Variants in WDR81 observed in about 807,000 individuals in gnomAD.
WDR81 encodes the protein WD repeat domain 81, also known as WD repeat-containing protein 81.
WDR81 carries 92 observed loss-of-function variants against 140.8 expected under a neutral mutation model. The observed-to-expected ratio is 0.65, with a 90% CI of 0.55 to 0.78. The LOEUF (loss-of-function observed/expected upper bound fraction) is 0.78, where lower values mean the gene tolerates loss of function less well. WDR81 is among the 30% of genes least tolerant of loss of function. The pLI, the probability that WDR81 is intolerant of heterozygous loss-of-function variation, is 0.00. For missense variants in WDR81, 2,502 were observed against 2,636.4 expected (o/e 0.95, Z 1.12); for synonymous variants, 1,183 against 1,156.4 (o/e 1.02, Z -0.47).
intron 1 of WDR81, among the ~76,000 whole-genome samples, chr17:1,718,364 C>G (rs1212715383): frequency 6.6e-6 from 1 of 152,186 alleles, no homozygotes; most frequent in Non-Finnish European, 1.5e-5. Flanking sequence ...GTGATCCACC[C>G]GCCTCGGTCT....
Position 1,737,451 on chromosome 17 carries a change from C to A in WDR81, c.5592C>A (p.His1864Gln), listed in dbSNP as rs1231468246. 1 of 1,612,996 alleles carries A rather than the reference C, an allele frequency of 6.2e-7. No homozygotes were observed. The highest frequency in any genetic ancestry group is 2.2e-5 in the East Asian group (1 of 44,888). The change falls in exon 10 of 10, where the codon CAC becomes CAA. Residue 1864 changes from histidine to glutamine, a missense_variant. By Grantham distance (24) the His-to-Gln change is conservative. Coordinates refer to ENST00000409644, the MANE Select transcript of WDR81 (RefSeq NM_001163809.2). ...AGCTGGAGCAGAAGCCCACCCATCACTACAAGTCAGCATCCGACCCCATCC... is the reference window on the plus strand; with the variant it reads ...AGCTGGAGCAGAAGCCCACCCATCAATACAAGTCAGCATCCGACCCCATCC... ...WKELEQKPTHHYKSASDPIHT... is the reference protein window; with the variant it reads ...WKELEQKPTHQYKSASDPIHT...
Position 1,728,288 on chromosome 17 carries a change from A to G in WDR81, c.3329A>G (p.Asp1110Gly). ...GCTGTGAGCCTGGGCCGGCTGAGTG[A>G]CAAGAGCAGCACCAGCGAGACCTCC... ...AEAVSLGRLS[D>G]KSSTSETSLG... is the part of the protein sequence containing the mutation. Residue 1110 changes from aspartate (D) to glycine (G), a missense_variant, in exon 1 of 10, where the codon GAC (aspartate) becomes GGC (glycine). By Grantham distance (94) the Asp-to-Gly change is moderately conservative (BLOSUM62 -1). This residue lies in a region of WDR81 where 1,737 missense variants were observed against 1,843.0 expected (regional missense o/e 0.94). Coordinates refer to ENST00000409644, the MANE Select transcript of WDR81 (RefSeq NM_001163809.2). 6.2e-7 allele frequency: 1 copy of G among 1,612,754 alleles called. No individual in the cohort carries two copies.
chr17:1,731,270 C>T lies in WDR81; in HGVS notation c.4157+12C>T. 6.2e-7 allele frequency: 1 copy of T among 1,611,558 alleles called. No individual in the cohort carries two copies. Among genetic ancestry groups the T allele is most frequent in the African/African-American group, 1.3e-5 (1 of 75,020 alleles). ...TCCCTCGTCACGGGGTAGGCCTCTG[C>T]CCCAGCTGATGTAGGGGGACCGGCC... On this transcript the variant is annotated intron_variant, in intron 4 of 9. Transcript: ENST00000409644.
intron 7 of WDR81, among the ~76,000 whole-genome samples, chr17:1,734,502 C>T (rs1225986907): frequency 1.3e-4 from 20 of 152,188 alleles, no homozygotes; most frequent in Admixed American, 6.5e-4. Context: ...AACACACAGC[C>T]GGGCGCAGTG....
intron 9 of WDR81, among the ~76,000 whole-genome samples, chr17:1,736,977 G>A (rs1167467885): frequency 6.6e-6 from 1 of 152,208 alleles, no homozygotes; most frequent in Non-Finnish European, 1.5e-5. Context: ...CAGCCTGGGT[G>A]TTAATCCCAG....
In WDR81 at chr17:1,725,621, C is replaced by T. The variant is rs1309205781; in HGVS notation, c.662C>T (p.Ala221Val). 2 of 1,545,348 alleles carry T rather than the reference C, an allele frequency of 1.3e-6. No homozygotes were observed. Among genetic ancestry groups the T allele is most frequent in the African/African-American group, 1.4e-5 (1 of 73,058 alleles). The change falls in exon 1 of 10, where the codon GCT becomes GTT. Residue 221 changes from alanine (A) to valine (V), a missense_variant. Transcript: ENST00000409644. ...CCTGCTTGCCCTAGTCTTTTACGGG[C>T]TGAGGCCTTGCTGGAGTCGCCGGAG... is the stretch of plus-strand genomic sequence containing the variant. The part of the protein sequence containing the change: ...GSPACPSLLR[A>V]EALLESPEML...
chr17:1,724,455 G>C (rs1915069588), upstream of WDR81: 2 of 984,426 alleles, frequency 2.0e-6, no homozygotes, highest in Non-Finnish European at 2.4e-6. Context: ...CAGCCTCCGG[G>C]ACCCGCGCGC....
Position 1,736,163 on chromosome 17 carries a change from C to A in WDR81, c.5450C>A (p.Thr1817Lys). 6.2e-7 allele frequency: 1 copy of A among 1,601,282 alleles called. No individual in the cohort carries two copies. Among genetic ancestry groups the A allele is most frequent in the Non-Finnish European group, 8.5e-7 (1 of 1,179,728 alleles). ...TTCATGGTGCTCCTGGACACCCGCA[C>A]AGGCCTGGTTCTGCGAGGCTGGCCA... The part of the protein sequence containing the change: ...SGFMVLLDTR[T>K]GLVLRGWPAH... Residue 1817 changes from threonine to lysine, a missense_variant, in exon 9 of 10, where the codon ACA (threonine) becomes AAA (lysine). Thr to Lys is a moderately conservative substitution (Grantham distance 78, BLOSUM62 -1). This residue lies in a region of WDR81 where 1,737 missense variants were observed against 1,843.0 expected (regional missense o/e 0.94). Transcript: ENST00000409644.
intron 4 of WDR81, among the ~76,000 whole-genome samples, chr17:1,731,940 AG>A (rs1353308240): frequency 1.1e-5 from 1 of 90,534 alleles, no homozygotes; most frequent in Non-Finnish European, 2.4e-5. Context: ...AAAAAAAAAA[AG>A]TATATATATA....
chr17:1,725,130 A>C lies in WDR81; in HGVS notation c.171A>C (p.Leu57=), dbSNP rs909363778. The part of the protein sequence containing the change: ...PAPGGTHVVA[L]VPARWLASLR... ...CGGGGGGCACCCACGTGGTGGCCCT[A>C]GTGCCTGCGCGCTGGCTGGCCAGCC... The change falls in exon 1 of 10, where the codon CTA becomes CTC. Residue 57 remains leucine (L), a synonymous_variant. Coordinates refer to ENST00000409644, the MANE Select transcript of WDR81 (RefSeq NM_001163809.2). 1.3e-5 allele frequency: 20 copies of C among 1,529,750 alleles called. No homozygotes were observed. The highest frequency in any genetic ancestry group is 1.6e-5 in the Non-Finnish European group (18 of 1,141,766). 94.8% of individuals were successfully genotyped at this position (1,529,750 alleles called of 1,614,324 possible).
At position 1,738,166 on chromosome 17, in the gene WDR81, G is replaced by A. The variant is rs112099834; in HGVS notation, c.*481G>A. ...GATTCCAGCCTAAGGAAGGCTGGCC[G>A]TGGTCCAGGAGTTAAGGGCTTGGGT... On this transcript the variant is annotated 3_prime_UTR_variant, in exon 10 of 10. Coordinates refer to ENST00000409644, the MANE Select transcript of WDR81 (RefSeq NM_001163809.2). 7.1e-4 allele frequency: 124 copies of A among 174,378 alleles called. 1 individual carries two copies. Among genetic ancestry groups the A allele is most frequent in the African/African-American group, 2.5e-3 (107 of 42,126 alleles). The allele number at this position is 174,378 out of a possible 1,614,324, so 10.8% of individuals were successfully genotyped here.
At chr17:1,721,267 G>A (rs904197039), upstream of WDR81, among the ~76,000 whole-genome samples, 2 of 152,124 alleles carry the variant, frequency 1.3e-5, no homozygotes, top group Non-Finnish European at 2.9e-5. Flanking sequence ...GCTGAGGCAG[G>A]AGAATCACTT....
chr17:1,726,975 T>C lies in WDR81; in HGVS notation c.2016T>C (p.Ala672=), dbSNP rs1193447799. 14 of 1,550,456 alleles carry C rather than the reference T, an allele frequency of 9.0e-6. No individual in the cohort carries two copies. The East Asian group carries it at 3.2e-4, about 35-fold the overall frequency. Residue 672 remains alanine (A), a synonymous_variant, in exon 1 of 10, where the codon GCT becomes GCC. Coordinates refer to ENST00000409644, the MANE Select transcript of WDR81 (RefSeq NM_001163809.2). The stretch of plus-strand genomic sequence containing the variant: ...AAGCTCTGGATTCCATTTCCCTTGC[T>C]GGGAAAGCAGGTGACCAGCTGGGCT... The part of the protein sequence containing the change: ...ATEALDSISL[A]GKAGDQLGSS...
chr17:1,726,132 G>T lies in WDR81; in HGVS notation c.1173G>T (p.Thr391=). The T allele has an allele frequency of 6.5e-7, 1 of 1,534,364 alleles. No individual in the cohort carries two copies. Among genetic ancestry groups the T allele is most frequent in the Non-Finnish European group, 8.8e-7 (1 of 1,136,424 alleles). Residue 391 remains threonine (T), a synonymous_variant, in exon 1 of 10, where the codon ACG becomes ACT. Transcript: ENST00000409644. The part of the protein sequence containing the change: ...PVLPWVVDFT[T]PHGRFRDLRK... The stretch of plus-strand genomic sequence containing the variant: ...TGCCCTGGGTGGTGGACTTCACTAC[G>T]CCCCATGGGCGCTTCCGAGACCTGC...
Position 1,731,082 on chromosome 17 carries a change from T to C in WDR81, c.3981T>C (p.Ser1327=). ...GGTGGCTCTAGGTGGCCCCAGGGAG[T>C]GCCTCAGGCCCCAGCCGACTGAACA... The part of the protein sequence containing the change: ...PYISYLVAPG[S]ASGPSRLNSR... The change falls in exon 4 of 10, where the codon AGT becomes AGC. Residue 1327 remains serine (S), a synonymous_variant. Coordinates refer to ENST00000409644, the MANE Select transcript of WDR81 (RefSeq NM_001163809.2). 6.2e-7 allele frequency: 1 copy of C among 1,611,898 alleles called. No homozygotes were observed. Among genetic ancestry groups the C allele is most frequent in the Non-Finnish European group, 8.5e-7 (1 of 1,179,586 alleles).
Position 1,724,760 on chromosome 17 carries a change from C to T in WDR81, c.-200C>T, listed in dbSNP as rs1420173841. The T allele has an allele frequency of 1.3e-5, 15 of 1,139,932 alleles. No homozygotes were observed. The highest frequency in any genetic ancestry group is 1.6e-5 in the Non-Finnish European group (15 of 929,616). The allele number at this position is 1,139,932 out of a possible 1,614,324, so 70.6% of individuals were successfully genotyped here. On this transcript the variant is annotated 5_prime_UTR_variant, in exon 1 of 10. Coordinates refer to ENST00000409644, the MANE Select transcript of WDR81 (RefSeq NM_001163809.2). Reference sequence around the variant, plus strand: ...GCGCCCGGCAGCCTCTGCCCCGCCGCGCCCGGAGCGCAGGACCCGCGGAGG... The same window carrying T: ...GCGCCCGGCAGCCTCTGCCCCGCCGTGCCCGGAGCGCAGGACCCGCGGAGG...
In WDR81 at chr17:1,726,826, A is replaced by C. The variant is rs1415664923; in HGVS notation, c.1867A>C (p.Thr623Pro). Residue 623 changes from threonine to proline, a missense_variant, in exon 1 of 10, where the codon ACG becomes CCG. Physicochemically the swap from Thr to Pro is conservative, Grantham distance 38 (BLOSUM62 -1). Transcript: ENST00000409644. ...IQETTGREDF[T>P]ENPGQLPNGV... ...GGAGACCACAGGCCGGGAGGACTTC[A>C]CGGAAAACCCGGGACAGCTTCCAAA... 6.5e-7 allele frequency: 1 copy of C among 1,549,778 alleles called. No homozygotes were observed. Among genetic ancestry groups the C allele is most frequent in the Non-Finnish European group, 8.7e-7 (1 of 1,146,860 alleles).
rs746533121 is a variant in WDR81 at position 1,731,099 on chromosome 17, G to A, written c.3998G>A (p.Arg1333Gln). 6.8e-6 allele frequency: 11 copies of A among 1,612,850 alleles called. No individual in the cohort carries two copies. Among genetic ancestry groups the A allele is most frequent in the Admixed American group, 3.3e-5 (2 of 60,002 alleles). The change falls in exon 4 of 10, where the codon CGA becomes CAA. Residue 1333 changes from arginine (R) to glutamine (Q), a missense_variant. This residue lies in a region of WDR81 where 1,737 missense variants were observed against 1,843.0 expected (regional missense o/e 0.94). Transcript: ENST00000409644. ...CCAGGGAGTGCCTCAGGCCCCAGCCGACTGAACAGCCGTAAGGAGGCGGGG... is the reference window on the plus strand; with the variant it reads ...CCAGGGAGTGCCTCAGGCCCCAGCCAACTGAACAGCCGTAAGGAGGCGGGG... Reference protein sequence around the residue: ...VAPGSASGPSRLNSRKEAGLL... With the variant: ...VAPGSASGPSQLNSRKEAGLL...
Position 1,728,614 on chromosome 17 carries a change from A to G in WDR81, c.3655A>G (p.Lys1219Glu). 1.4e-6 allele frequency: 2 copies of G among 1,467,630 alleles called. No homozygotes were observed. The highest frequency in any genetic ancestry group is 2.8e-5 in the South Asian group (2 of 72,002). 90.9% of individuals were successfully genotyped at this position (1,467,630 alleles called of 1,614,324 possible). A position where few individuals can be genotyped will look rare whatever the true frequency, so the allele number is the denominator to read the frequency against. The change falls in exon 1 of 10, where the codon AAG becomes GAG. Residue 1219 changes from lysine (K) to glutamate (E), a missense_variant. Physicochemically the swap from Lys to Glu is moderately conservative, Grantham distance 56. Coordinates refer to ENST00000409644, the MANE Select transcript of WDR81 (RefSeq NM_001163809.2). ...LPEQSEGKEQ[K>E]ILLDTACKMV... ...TGAGCAGTCAGAAGGCAAAGAACAG[A>G]AGATCCTCCTTGGTAAGTTCCCAGG...
Sources: allele counts gnomAD v4.1 joint callset (sites outside exome capture counted in the v4.1 genomes callset), GRCh38; gene constraint gnomAD v4.1.1; regional missense constraint gnomAD v4.1.1; transcripts MANE v1.5; gene names NCBI Gene and HGNC (gene_info 2026-07-23, HGNC 2026-07-21).